PPP2R2B: variants seen among roughly 807,000 people sequenced by gnomAD.
PPP2R2B encodes the protein serine/threonine-protein phosphatase 2A 55 kDa regulatory subunit B beta isoform.
Under a neutral mutation model 46.0 loss-of-function variants are expected in PPP2R2B, and 5 were observed. That is an observed-to-expected ratio of 0.11 (90% confidence interval 0.06 to 0.23). PPP2R2B has a LOEUF of 0.23. PPP2R2B is among the 10% of genes least tolerant of loss of function. PPP2R2B has a pLI of 1.00. For synonymous variants in PPP2R2B, 215 were observed against 206.7 expected (o/e 1.04, Z -0.34); for missense variants, 367 against 575.0 (o/e 0.64, Z 3.70).
chr5:146,895,330 T>C (rs1414710699), intron 1 of PPP2R2B, among the ~76,000 whole-genome samples: 1 of 152,234 alleles, frequency 6.6e-6, no homozygotes, highest in African/African-American at 2.4e-5. Context: ...TAGCACCAAG[T>C]GTCTCCTTCA....
At chr5:146,919,309 T>C (rs1404035515) in intron 1 of PPP2R2B, 1 of 152,190 alleles carries the variant, frequency 6.6e-6, no homozygotes, top group Non-Finnish European at 1.5e-5. Flanking sequence ...AGGGAGGTGA[T>C]CTTTTTCCCA....
intron 2 of PPP2R2B, among the ~76,000 whole-genome samples, chr5:146,714,232 T>G (rs1439492538): frequency 6.6e-6 from 1 of 152,184 alleles, no homozygotes; most frequent in Admixed American, 6.5e-5. Context: ...GCTAAAAGTT[T>G]AGAGTAAAAC....
intron 2 of PPP2R2B, among the ~76,000 whole-genome samples, chr5:146,764,318 G>A (rs1332042289): frequency 6.6e-6 from 1 of 152,206 alleles, no homozygotes; most frequent in Non-Finnish European, 1.5e-5. Context: ...AGATTTTTAA[G>A]TAGGAACAGA....
intron 1 of PPP2R2B, among the ~76,000 whole-genome samples, chr5:147,005,994 G>A (rs1754419637): frequency 1.3e-5 from 2 of 152,156 alleles, no homozygotes; most frequent in South Asian, 4.1e-4. Flanking sequence ...AAACACTGAG[G>A]CCACTGACAA....
chr5:146,878,686 C>A lies in PPP2R2B; in HGVS notation c.-220G>T. The A allele has an allele frequency of 7.7e-7, 1 of 1,291,028 alleles. No individual in the cohort carries two copies. The highest frequency in any genetic ancestry group is 1.0e-6 in the Non-Finnish European group (1 of 990,956). 80.0% of individuals were successfully genotyped at this position (1,291,028 alleles called of 1,614,324 possible). On this transcript the variant is annotated 5_prime_UTR_variant, in exon 1 of 10. Transcript: ENST00000394411. The surrounding 1 kb of genome is among the most constrained non-coding windows in gnomAD (Gnocchi z 4.5). The stretch of plus-strand genomic sequence containing the variant: ...GAGCTGGGCAGGGCGCTGCAGCCGG[C>A]GCCAGCGCACTCACCCTCACACCCA...
chr5:147,044,350 GA>G (rs1756455476), intron 1 of PPP2R2B, among the ~76,000 whole-genome samples: 1 of 152,132 alleles, frequency 6.6e-6, no homozygotes, highest in Non-Finnish European at 1.5e-5. Context: ...GGAATGTTGT[GA>G]GGGGGTTCAG....
intron 4 of PPP2R2B, among the ~76,000 whole-genome samples, chr5:146,692,636 A>T (rs891656216): frequency 6.8e-6 from 1 of 147,528 alleles, no homozygotes; most frequent in Non-Finnish European, 1.5e-5. Flanking sequence ...TGGGTTCATG[A>T]CATTCTCCTA....
chr5:147,031,146 A>G (rs1227939816), intron 1 of PPP2R2B, among the ~76,000 whole-genome samples: 2 of 152,026 alleles, frequency 1.3e-5, no homozygotes, highest in Non-Finnish European at 2.9e-5. Flanking sequence ...CTGAGGCAGG[A>G]GAATGGCGTG....
At chr5:146,693,618 T>G (rs183897132) in intron 4 of PPP2R2B, among the ~76,000 whole-genome samples, 183 of 152,282 alleles carry the variant, frequency 1.2e-3, no homozygotes, top group South Asian at 2.1e-3. Flanking sequence ...AAAAAATAAT[T>G]TAGTATGAGT....
intron 1 of PPP2R2B, among the ~76,000 whole-genome samples, chr5:146,957,666 T>C (rs1396776621): frequency 6.6e-6 from 1 of 152,186 alleles, no homozygotes; most frequent in Non-Finnish European, 1.5e-5. Flanking sequence ...GGTTGTACTC[T>C]ACCCAGCTTT....
chr5:146,928,934 A>G (rs928321522), intron 1 of PPP2R2B, among the ~76,000 whole-genome samples: 7 of 152,066 alleles, frequency 4.6e-5, no homozygotes, highest in African/African-American at 1.7e-4. Context: ...GGCATCCTTA[A>G]TGCTTCCGGA....
At chr5:146,693,575 G>A (rs1779004739) in intron 4 of PPP2R2B, among the ~76,000 whole-genome samples, 1 of 152,106 alleles carries the variant, frequency 6.6e-6, no homozygotes, top group African/African-American at 2.4e-5. Flanking sequence ...AAAAAATATA[G>A]AACACCCAGT....
intron 1 of PPP2R2B, among the ~76,000 whole-genome samples, chr5:146,925,755 C>T (rs559956631): frequency 3.3e-4 from 50 of 152,140 alleles, no homozygotes; most frequent in Middle Eastern, 3.4e-3. Context: ...TCTCTCCTTC[C>T]GACATTCCCC....
intron 5 of PPP2R2B, among the ~76,000 whole-genome samples, chr5:146,683,393 C>G (rs1290922450): frequency 6.6e-6 from 1 of 152,158 alleles, no homozygotes; most frequent in African/African-American, 2.4e-5. Context: ...GACGTGCACT[C>G]AAGTCCAAGC....
chr5:146,641,384 C>A (rs569197953), intron 6 of PPP2R2B, among the ~76,000 whole-genome samples: 4 of 152,098 alleles, frequency 2.6e-5, no homozygotes, highest in Non-Finnish European at 4.4e-5. Context: ...TTTGAAAAGA[C>A]CCCCAGCTAA....
chr5:146,829,027 TAC>T (rs973727642), intron 2 of PPP2R2B, among the ~76,000 whole-genome samples: 1 of 152,192 alleles, frequency 6.6e-6, no homozygotes, highest in African/African-American at 2.4e-5. Flanking sequence ...AGCTGAATAA[TAC>T]AGACCTTTTT....
intron 7 of PPP2R2B, among the ~76,000 whole-genome samples, chr5:146,620,687 C>T (rs1443554323): frequency 6.6e-6 from 1 of 152,160 alleles, no homozygotes; most frequent in Non-Finnish European, 1.5e-5. Flanking sequence ...GGGCCCACTC[C>T]ACACATCACA....
upstream of PPP2R2B, among the ~76,000 whole-genome samples, chr5:146,880,185 G>T (rs931941711): frequency 8.0e-5 from 10 of 125,638 alleles, no homozygotes; most frequent in Non-Finnish European, 1.2e-4. Context: ...TATTTTGTGT[G>T]TGTGTGTGTG....
At chr5:146,995,586 C>T (rs1561564019) in intron 1 of PPP2R2B, among the ~76,000 whole-genome samples, 1 of 152,196 alleles carries the variant, frequency 6.6e-6, no homozygotes, top group African/African-American at 2.4e-5. Flanking sequence ...TAGTATCCAT[C>T]TCCCACCTTC....
Sources: allele counts gnomAD v4.1 joint callset (sites outside exome capture counted in the v4.1 genomes callset), GRCh38; gene constraint gnomAD v4.1.1; non-coding constraint Gnocchi (gnomAD v3.1); transcripts MANE v1.5; gene names NCBI Gene and HGNC (gene_info 2026-07-23, HGNC 2026-07-21).